LARP1: variants seen among roughly 807,000 people sequenced by gnomAD.
The protein encoded by LARP1 is La ribonucleoprotein 1, translational regulator, also known as la-related protein 1.
A neutral mutation model predicts 122.7 loss-of-function variants in LARP1; 36 were observed. The observed-to-expected ratio is 0.29, with a 90% CI of 0.22 to 0.39. The LOEUF (loss-of-function observed/expected upper bound fraction) is 0.39. Ranked by LOEUF, LARP1 falls within the 10% of genes least tolerant of loss-of-function variation. LARP1 has a pLI of 1.00. For synonymous variants in LARP1, 539 were observed against 528.7 expected, an observed-to-expected ratio of 1.02 and a Z score of -0.27; for missense variants, 1,040 against 1,403.6, an observed-to-expected ratio of 0.74 and a Z score of 4.14.
intron 1 of LARP1, among the ~76,000 whole-genome samples, chr5:154,761,684 C>T (rs1295424950): frequency 1.3e-5 from 2 of 152,136 alleles, no homozygotes; most frequent in African/African-American, 2.4e-5. Flanking sequence ...AGAGGATGGC[C>T]TTACCTTGCC....
chr5:154,768,923 C>T lies in LARP1; in HGVS notation c.436+12730C>T, dbSNP rs1755176521. 2.6e-5 allele frequency among the ~76,000 whole-genome samples: 4 copies of T among 152,314 alleles called. No individual in the cohort carries two copies. In the South Asian group the frequency reaches 8.3e-4, roughly 32 times the overall value. On this transcript the variant is annotated intron_variant, in intron 1 of 18. Transcript: ENST00000518297. Reference sequence around the variant, plus strand: ...TTTGCGTGATCTCAGCTCACTGCAACCTCCGCCTGCTGAGTTCAAGCAATT... The same window carrying T: ...TTTGCGTGATCTCAGCTCACTGCAATCTCCGCCTGCTGAGTTCAAGCAATT...
At chr5:154,733,923 T>C (rs770022768) in intron 1 of LARP1, among the ~76,000 whole-genome samples, 7 of 152,118 alleles carry the variant, frequency 4.6e-5, no homozygotes, top group Non-Finnish European at 1.0e-4. Context: ...CTCAGCACTT[T>C]GGGAGGCGGA....
At position 154,802,138 on chromosome 5, in the gene LARP1, G is replaced by T. The variant is rs750110341; in HGVS notation, c.1848G>T (p.Met616Ile). ...TGTTTGACGAGGAGATGGAGCAGAT[G>T]GATGGGCGGAAGAACACCTTCACTG... ...DFLFDEEMEQMDGRKNTFTAW... is the reference protein window; with the variant it reads ...DFLFDEEMEQIDGRKNTFTAW... The change falls in exon 11 of 19, where the codon ATG becomes ATT. Residue 616 changes from methionine to isoleucine, a missense_variant. Physicochemically the swap from Met to Ile is conservative, Grantham distance 10. Around this residue, in one of 8 missense-constraint regions of LARP1, gnomAD observed 362 missense variants for 533.1 expected, o/e 0.68. Coordinates refer to ENST00000518297, the MANE Select transcript of LARP1 (RefSeq NM_033551.3). This position sits in a 1 kb window ranked among gnomAD's most constrained non-coding sequence, Gnocchi z 5.1. The T allele has an allele frequency of 2.5e-6, 4 of 1,614,200 alleles. No homozygotes were observed. The highest frequency in any genetic ancestry group is 1.6e-4 in the Middle Eastern group (1 of 6,062).
chr5:154,704,439 G>A (rs1378522648), intron 1 of LARP1, among the ~76,000 whole-genome samples: 1 of 152,076 alleles, frequency 6.6e-6, no homozygotes, highest in Non-Finnish European at 1.5e-5. Flanking sequence ...TGGAGGTCAG[G>A]AGTTCGAGAT....
chr5:154,780,328 A>G (rs1377137757), intron 1 of LARP1, among the ~76,000 whole-genome samples: 1 of 152,216 alleles, frequency 6.6e-6, no homozygotes, highest in Non-Finnish European at 1.5e-5. Flanking sequence ...GAGCCACTTC[A>G]AAGCACCCTC....
chr5:154,729,742 CAA>C (rs1402151712), intron 1 of LARP1: 2 of 218,792 alleles, frequency 9.1e-6, no homozygotes, highest in African/African-American at 4.7e-5. Flanking sequence ...AATAGACAAA[CAA>C]AGAAAAAACT....
chr5:154,807,859 G>A (rs984468563), intron 15 of LARP1, among the ~76,000 whole-genome samples: 17 of 152,172 alleles, frequency 1.1e-4, no homozygotes, highest in Admixed American at 1.1e-3. Context: ...CAGCCAAGAT[G>A]CTTTTTTAAC....
At chr5:154,706,103 C>T (rs939187799) in intron 1 of LARP1, among the ~76,000 whole-genome samples, 1 of 151,894 alleles carries the variant, frequency 6.6e-6, no homozygotes, top group African/African-American at 2.4e-5. Flanking sequence ...CCAGACCAGC[C>T]TGGCCAACAC....
At chr5:154,735,545 T>TTTTATTTTTA (rs1756835497) in intron 1 of LARP1, among the ~76,000 whole-genome samples, 3 of 143,922 alleles carry the variant, frequency 2.1e-5, no homozygotes, top group Middle Eastern at 3.6e-3. Context: ...TTATTTTTAT[T>TTTTATTTTTA]TTTATTTATT....
At chr5:154,805,012 A>C (rs1468282587) in intron 14 of LARP1, 2 of 430,110 alleles carry the variant, frequency 4.6e-6, no homozygotes, top group Non-Finnish European at 9.4e-6. Context: ...CAGAAGCCTT[A>C]CCAATAACAT....
intron 1 of LARP1, among the ~76,000 whole-genome samples, chr5:154,771,222 G>A (rs1424173647): frequency 6.6e-6 from 1 of 152,104 alleles, no homozygotes; most frequent in African/African-American, 2.4e-5. Flanking sequence ...CCTAAAATCT[G>A]CCTCATGGGT....
intron 8 of LARP1, among the ~76,000 whole-genome samples, chr5:154,798,682 TAG>T (rs1758085457): frequency 6.6e-6 from 1 of 152,182 alleles, no homozygotes; most frequent in Non-Finnish European, 1.5e-5. Flanking sequence ...TTTGTAGTGA[TAG>T]AGTCTCGCTA....
chr5:154,709,139 C>G (rs370539171), upstream of LARP1, among the ~76,000 whole-genome samples: 2 of 152,218 alleles, frequency 1.3e-5, no homozygotes, highest in African/African-American at 4.8e-5. Context: ...ACTGCAGCCT[C>G]TCCCAAAAGT....
intron 1 of LARP1, among the ~76,000 whole-genome samples, chr5:154,700,048 C>T (rs1014806775): frequency 6.6e-6 from 1 of 152,068 alleles, no homozygotes; most frequent in African/African-American, 2.4e-5. Context: ...CTCTCTGCCT[C>T]CAGCAAATCT....
chr5:154,805,799 A>C, intron 14 of LARP1, 82 bp from the exon 15 acceptor site: 1 of 1,451,880 alleles, frequency 6.9e-7, no homozygotes, highest in South Asian at 1.3e-5. Context: ...CTTGGCTGAC[A>C]GAACGGATCA....
At chr5:154,805,695 T>C in intron 14 of LARP1, 186 bp from the exon 15 acceptor site, 1 of 619,340 alleles carries the variant, frequency 1.6e-6, no homozygotes, top group Non-Finnish European at 2.8e-6. Context: ...TGTAAAACTC[T>C]CTGAGAGTTG....
At chr5:154,796,912 T>G (rs1757906547) in intron 8 of LARP1, among the ~76,000 whole-genome samples, 1 of 152,122 alleles carries the variant, frequency 6.6e-6, no homozygotes, top group African/African-American at 2.4e-5. Flanking sequence ...TGGTGGTTTG[T>G]TTTCGTATCA....
At position 154,799,230 on chromosome 5, in the gene LARP1, C is replaced by T. The variant is rs567462710; in HGVS notation, c.1378-361C>T. The stretch of plus-strand genomic sequence containing the variant: ...GCTGTAAATATTTAAATTGCCTATG[C>T]GATGGCAAGTTAGGTATTTTATAGT... On this transcript the variant is annotated intron_variant, in intron 8 of 18. Coordinates refer to ENST00000518297, the MANE Select transcript of LARP1 (RefSeq NM_033551.3). 1.6e-4 allele frequency among the ~76,000 whole-genome samples: 25 copies of T among 152,244 alleles called. 1 individual carries two copies. Among genetic ancestry groups the T allele is most frequent in the African/African-American group, 5.8e-4 (24 of 41,528 alleles).
In LARP1 at chr5:154,742,466, T is replaced by A. The variant is rs190300224; in HGVS notation, c.205+29336T>A. On this transcript the variant is annotated intron_variant, in intron 1 of 18. Coordinates refer to the LARP1 transcript ENST00000336314. Reference sequence around the variant, plus strand: ...CCCAGGTATTCAGGAGGCTGAGGCATGAAAATCTCTTGAACCTGGGAGGCG... The same window carrying A: ...CCCAGGTATTCAGGAGGCTGAGGCAAGAAAATCTCTTGAACCTGGGAGGCG... 1.8e-3 allele frequency among the ~76,000 whole-genome samples: 272 copies of A among 152,130 alleles called. 4 individuals carry two copies. The East Asian group carries it at 0.023, about 13-fold the overall frequency.
Sources: gnomAD v4.1 joint callset for allele counts (sites outside exome capture counted in the v4.1 genomes callset) on GRCh38, gnomAD v4.1.1 for gene constraint, gnomAD v4.1.1 regional missense constraint, Gnocchi (gnomAD v3.1) non-coding constraint, MANE v1.5 for transcripts, NCBI Gene and HGNC (gene_info 2026-07-23, HGNC 2026-07-21) for gene names.